Variants in TCF4 observed in about 807,000 individuals in gnomAD.
TCF4 encodes SL3-3 enhancer factor 2.
A neutral mutation model predicts 82.1 loss-of-function variants in TCF4; 3 were observed. That is an observed-to-expected ratio of 0.04 (90% CI 0.02 to 0.09). The LOEUF is 0.09. TCF4 is among the 10% of genes least tolerant of loss of function. The probability of loss-of-function intolerance (pLI) is 1.00; values close to 1 mark genes in which losing one functional copy is unlikely to be tolerated. For synonymous variants in TCF4, 276 were observed against 309.6 expected (o/e 0.89, Z 1.14); for missense variants, 518 against 852.7 (o/e 0.61, Z 4.89).
chr18:55,613,595 C>T (rs1471099654), intron 2 of TCF4, among the ~76,000 whole-genome samples: 1 of 152,010 alleles, frequency 6.6e-6, no homozygotes, highest in Non-Finnish European at 1.5e-5. Context: ...GGCTGGGAGG[C>T]GTCAAGAAAC....
In TCF4 at chr18:55,253,303, C is replaced by T. The variant is rs184484581; in HGVS notation, c.1350+1194G>A. 1.5e-3 allele frequency among the ~76,000 whole-genome samples: 233 copies of T among 152,240 alleles called. 1 individual carries two copies. The highest frequency in any genetic ancestry group is 5.3e-3 in the African/African-American group (222 of 41,548). On this transcript the variant is annotated intron_variant, in intron 15 of 19. Coordinates refer to ENST00000354452, the MANE Select transcript of TCF4 (RefSeq NM_001083962.2). ...ATGTATTTTGCATTTCCTTTTGGGA[C>T]CATGCTTAAACGAGAAATGCTACAG...
At chr18:55,586,163 AG>A in intron 2 of TCF4, 1 of 298,496 alleles carries the variant, frequency 3.4e-6, no homozygotes, top group South Asian at 4.2e-5. Flanking sequence ...GAGCAGCAGC[AG>A]CAGCAGCAGC....
At chr18:55,378,797 C>T (rs922456105) in intron 6 of TCF4, among the ~76,000 whole-genome samples, 3 of 152,156 alleles carry the variant, frequency 2.0e-5, no homozygotes, top group South Asian at 4.1e-4. Context: ...AGTTTTGACC[C>T]GGAAGATTTA....
intron 8 of TCF4, among the ~76,000 whole-genome samples, chr18:55,340,740 T>C (rs1243017278): frequency 6.6e-6 from 1 of 152,190 alleles, no homozygotes; most frequent in African/African-American, 2.4e-5. Flanking sequence ...GATTTGTTTC[T>C]CAAATGCCAA....
chr18:55,322,001 G>A, intron 8 of TCF4: 3 of 1,215,682 alleles, frequency 2.5e-6, no homozygotes, highest in Non-Finnish European at 3.1e-6. Context: ...ACGCGAGATC[G>A]ATTCAACTTT....
At chr18:55,619,444 T>G (rs2097715503) in intron 2 of TCF4, among the ~76,000 whole-genome samples, 1 of 152,168 alleles carries the variant, frequency 6.6e-6, no homozygotes, top group African/African-American at 2.4e-5. Context: ...GTATGCTCTA[T>G]TTTGGATAGT....
At chr18:55,487,054 A>T (rs1403608514) in intron 3 of TCF4, among the ~76,000 whole-genome samples, 1 of 152,130 alleles carries the variant, frequency 6.6e-6, no homozygotes, top group African/African-American at 2.4e-5. Context: ...TTGGGTATAA[A>T]CTTAAAATTC....
At chr18:55,238,688 T>C (rs1159991375) in intron 15 of TCF4, among the ~76,000 whole-genome samples, 1 of 150,936 alleles carries the variant, frequency 6.6e-6, no homozygotes, top group Non-Finnish European at 1.5e-5. Context: ...TGCTGGGCTA[T>C]TCAGCCTCTC....
At chr18:55,621,586 ATT>A (rs1414229168) in intron 2 of TCF4, among the ~76,000 whole-genome samples, 23 of 2,766 alleles carry the variant, frequency 8.3e-3, no homozygotes, top group African/African-American at 0.022. Flanking sequence ...TAATATATAT[ATT>A]ATATTATATA....
intron 6 of TCF4, among the ~76,000 whole-genome samples, chr18:55,365,573 C>T (rs765250167): frequency 6.6e-6 from 1 of 151,896 alleles, no homozygotes; most frequent in African/African-American, 2.4e-5. Flanking sequence ...AGCCTTTCAA[C>T]TGAATAGGCT....
chr18:55,412,222 T>G (rs1472993271), intron 5 of TCF4, among the ~76,000 whole-genome samples: 1 of 152,094 alleles, frequency 6.6e-6, no homozygotes, highest in Non-Finnish European at 1.5e-5. Context: ...TACGCAGAGT[T>G]TTTTAAAAGA....
intron 3 of TCF4, among the ~76,000 whole-genome samples, chr18:55,558,899 T>C (rs955297222): frequency 1.3e-5 from 2 of 152,018 alleles, no homozygotes; most frequent in African/African-American, 4.8e-5. Flanking sequence ...GTGTGACTCT[T>C]AATGGCAGGC....
chr18:55,331,682 G>A (rs1371894707), intron 8 of TCF4, among the ~76,000 whole-genome samples: 1 of 152,156 alleles, frequency 6.6e-6, no homozygotes, highest in African/African-American at 2.4e-5. Context: ...ATTTTCAATA[G>A]AGCTATATCT....
Position 55,227,463 on chromosome 18 carries a change from T to A in TCF4, c.*572A>T, listed in dbSNP as rs1178446207. 1 of 151,906 alleles carries A rather than the reference T, an allele frequency of 6.6e-6. No homozygotes were observed. The highest frequency in any genetic ancestry group is 1.5e-5 in the Non-Finnish European group (1 of 67,896). 9.4% of individuals were successfully genotyped at this position (151,906 alleles called of 1,614,324 possible). A position where few individuals can be genotyped will look rare whatever the true frequency, so the allele number is the denominator to read the frequency against. On this transcript the variant is annotated 3_prime_UTR_variant, in exon 20 of 20. Transcript: ENST00000354452. ...CTCCTACCCTAAGGAATGGCTAATGTCATCACTTCGTTGTCATCAGGACGT... is the reference window on the plus strand; with the variant it reads ...CTCCTACCCTAAGGAATGGCTAATGACATCACTTCGTTGTCATCAGGACGT...
At chr18:55,629,636 C>G (rs987671258) in intron 2 of TCF4, among the ~76,000 whole-genome samples, 1 of 152,182 alleles carries the variant, frequency 6.6e-6, no homozygotes, top group Non-Finnish European at 1.5e-5. Context: ...ATGATTCTAA[C>G]AGTTGGACAA....
At chr18:55,422,051 CAAACTCT>C in intron 5 of TCF4, 1 of 394,756 alleles carries the variant, frequency 2.5e-6, no homozygotes, top group Non-Finnish European at 3.2e-6. Flanking sequence ...GGCACATTCT[CAAACTCT>C]TACACTAAAC....
At chr18:55,438,241 C>T (rs1466270078) in intron 5 of TCF4, among the ~76,000 whole-genome samples, 2 of 151,146 alleles carry the variant, frequency 1.3e-5, no homozygotes, top group African/African-American at 4.9e-5. Context: ...CTAAGATTGA[C>T]CACAGCTGCT....
intron 6 of TCF4, among the ~76,000 whole-genome samples, chr18:55,379,068 A>G (rs953868687): frequency 6.6e-6 from 1 of 152,208 alleles, no homozygotes; most frequent in Non-Finnish European, 1.5e-5. Context: ...TTTCACTTCT[A>G]TTCATTAGAT....
At chr18:55,304,688 C>T (rs946341100) in intron 8 of TCF4, among the ~76,000 whole-genome samples, 1 of 151,998 alleles carries the variant, frequency 6.6e-6, no homozygotes, top group African/African-American at 2.4e-5. Flanking sequence ...CCAAGACATT[C>T]AAGGTATTAA....
Sources: allele counts gnomAD v4.1 joint callset (sites outside exome capture counted in the v4.1 genomes callset), GRCh38; gene constraint gnomAD v4.1.1; transcripts MANE v1.5; gene names NCBI Gene and HGNC (gene_info 2026-07-23, HGNC 2026-07-21).